Variants in DCAF5 observed in about 807,000 individuals in gnomAD.
DCAF5 encodes the protein DDB1- and CUL4-associated factor 5.
Under a neutral mutation model 80.7 loss-of-function variants are expected in DCAF5, and 9 were observed. The observed-to-expected ratio is 0.11, with a 90% confidence interval of 0.07 to 0.19. The LOEUF (loss-of-function observed/expected upper bound fraction) is 0.19, where lower values mean the gene tolerates loss of function less well. Ranked by LOEUF, DCAF5 falls within the 10% of genes least tolerant of loss-of-function variation. The pLI, the probability that DCAF5 is intolerant of heterozygous loss-of-function variation, is 1.00. For synonymous variants in DCAF5, 433 were observed against 461.9 expected (o/e 0.94, Z 0.80); for missense variants, 842 against 1,205.7 (o/e 0.70, Z 4.47).
At chr14:69,098,293 T>G (rs543523167) in intron 5 of DCAF5, among the ~76,000 whole-genome samples, 1 of 152,188 alleles carries the variant, frequency 6.6e-6, no homozygotes, top group Non-Finnish European at 1.5e-5. Flanking sequence ...ATTCATTCAG[T>G]CTTTATTCAA....
At chr14:69,113,622 G>C (rs571377594) in intron 5 of DCAF5, among the ~76,000 whole-genome samples, 1 of 152,234 alleles carries the variant, frequency 6.6e-6, no homozygotes, top group Non-Finnish European at 1.5e-5. Flanking sequence ...GGGGTTTCTA[G>C]GCAGCTGTGC....
At position 69,105,914 on chromosome 14, in the gene DCAF5, C is replaced by CATAT. The variant is rs35075766; in HGVS notation, c.665+10448_665+10451dup. Among the ~76,000 whole-genome samples the CATAT allele has an allele frequency of 3.9e-3, 194 of 49,984 alleles. 14 individuals carry two copies. Among genetic ancestry groups the CATAT allele is most frequent in the East Asian group, 0.018 (7 of 390 alleles). The allele number at this position is 49,984 out of a possible 152,430, so 32.8% of individuals were successfully genotyped here. ...GAGCCAATTTTCCCTAATAAACTGT[C>CATAT]ATATATATATATATATATATATATA... On this transcript the variant is annotated intron_variant, in intron 5 of 8. Transcript: ENST00000341516.
At chr14:69,059,656 TCTC>T (rs2038129318) in intron 8 of DCAF5, among the ~76,000 whole-genome samples, 2 of 152,318 alleles carry the variant, frequency 1.3e-5, no homozygotes, top group South Asian at 4.1e-4. Context: ...GTCTCATCCT[TCTC>T]CTTACCACCT....
chr14:69,077,820 C>T lies in DCAF5; in HGVS notation c.880-2409G>A, dbSNP rs542052284. ...AATCATTTAAAATCAATTTCCTAGC[C>T]TTCAAAACACTTGTAGGAACATGAG... On this transcript the variant is annotated intron_variant, in intron 6 of 8. Transcript: ENST00000341516. Among the ~76,000 whole-genome samples the T allele has an allele frequency of 8.5e-5, 13 of 152,250 alleles. No homozygotes were observed. The South Asian group carries it at 2.7e-3, about 32-fold the overall frequency.
rs994257136 is a variant in DCAF5, at chr14:69,152,916, C to G, written c.63G>C (p.Arg21=). The part of the protein sequence containing the change: ...MRSVVGFLSQ[R]GLHGDPLLTQ... ...TGAGCAGGGGGTCCCCATGCAAGCC[C>G]CGCTGGGACAAGAAGCCCACCACTG... Residue 21 remains arginine, a synonymous_variant, in exon 1 of 9, where the codon CGG becomes CGC. Transcript: ENST00000341516. This position sits in a 1 kb window ranked among gnomAD's most constrained non-coding sequence, Gnocchi z 4.1. 6.2e-7 allele frequency: 1 copy of G among 1,613,836 alleles called. No individual in the cohort carries two copies. The highest frequency in any genetic ancestry group is 8.5e-7 in the Non-Finnish European group (1 of 1,179,988).
intron 6 of DCAF5, chr14:69,085,146 T>C: frequency 2.6e-6 from 2 of 757,376 alleles, no homozygotes; most frequent in Admixed American, 3.5e-5. Flanking sequence ...CATACAAACC[T>C]ACGATTCCCA....
In DCAF5 at chr14:69,079,292, C is replaced by CTG. The variant is rs142170434; in HGVS notation, c.880-3882_880-3881insCA. Reference sequence around the variant, plus strand: ...AGACTGCCTTAGAAGGAAGAAAACTCTCCCAGAGTTAAGGCCTGTTGGGTT... The same window carrying CTG: ...AGACTGCCTTAGAAGGAAGAAAACTCTGTCCCAGAGTTAAGGCCTGTTGGGTT... On this transcript the variant is annotated intron_variant, in intron 6 of 8. Transcript: ENST00000341516. Among the ~76,000 whole-genome samples the CTG allele has an allele frequency of 5.5e-3, 839 of 152,302 alleles. 5 individuals are homozygous for CTG. Among genetic ancestry groups the CTG allele is most frequent in the African/African-American group, 0.019 (795 of 41,552 alleles).
At position 69,054,932 on chromosome 14, in the gene DCAF5, T is replaced by C. The variant is rs2139822265; in HGVS notation, c.1754A>G (p.Asn585Ser). The C allele has an allele frequency of 6.2e-7, 1 of 1,614,254 alleles. No homozygotes were observed. Among genetic ancestry groups the C allele is most frequent in the East Asian group, 2.2e-5 (1 of 44,890 alleles). ...NERRASTWQR[N>S]AMRRRQKTTR... Reference sequence around the variant, plus strand: ...TGTCTTCTGTCGGCGCCGCATGGCATTCCGCTGCCAGGTAGAGGCTCGGCG... The same window carrying C: ...TGTCTTCTGTCGGCGCCGCATGGCACTCCGCTGCCAGGTAGAGGCTCGGCG... The change falls in exon 9 of 9, where the codon AAT becomes AGT. Residue 585 changes from asparagine to serine, a missense_variant. Transcript: ENST00000341516.
chr14:69,153,049 C>G lies in DCAF5; in HGVS notation c.-71G>C, dbSNP rs866962705. On this transcript the variant is annotated 5_prime_UTR_variant, in exon 1 of 9. Coordinates refer to ENST00000341516, the MANE Select transcript of DCAF5 (RefSeq NM_003861.3). Reference sequence around the variant, plus strand: ...GCCTCACGCGCGGCCGCTGCTCCCCCCACCCGGCCCTCCCCCCGCGCTGCG... The same window carrying G: ...GCCTCACGCGCGGCCGCTGCTCCCCGCACCCGGCCCTCCCCCCGCGCTGCG... 5.0e-6 allele frequency: 6 copies of G among 1,203,196 alleles called. No individual in the cohort carries two copies. The highest frequency in any genetic ancestry group is 3.8e-5 in the Admixed American group (1 of 26,062). 74.5% of individuals were successfully genotyped at this position (1,203,196 alleles called of 1,614,324 possible).
intron 6 of DCAF5, chr14:69,090,514 C>T (rs1032712462): frequency 6.6e-6 from 1 of 152,102 alleles, no homozygotes; most frequent in Non-Finnish European, 1.5e-5. Flanking sequence ...GTTCAGAAAA[C>T]TTAAAAGAAC....
At chr14:69,078,767 T>C (rs1225557771) in intron 6 of DCAF5, among the ~76,000 whole-genome samples, 1 of 152,190 alleles carries the variant, frequency 6.6e-6, no homozygotes, top group Non-Finnish European at 1.5e-5. Flanking sequence ...GGGGAGTTGA[T>C]GTTTAGTGGG....
rs1206278716 is a variant in DCAF5, at chr14:69,054,377, G to T, written c.2309C>A (p.Ser770Tyr). Residue 770 changes from serine to tyrosine, a missense_variant, in exon 9 of 9, where the codon TCT (serine) becomes TAT (tyrosine). Ser to Tyr is a moderately radical substitution (Grantham distance 144). Transcript: ENST00000341516. The part of the protein sequence containing the change: ...GTSQDTGNSG[S>Y]VEHPFETKKL... Reference sequence around the variant, plus strand: ...CTTGGTTTCAAAAGGGTGCTCTACAGAGCCGCTATTGCCAGTGTCCTGAGA... The same window carrying T: ...CTTGGTTTCAAAAGGGTGCTCTACATAGCCGCTATTGCCAGTGTCCTGAGA... The T allele has an allele frequency of 1.2e-6, 2 of 1,614,126 alleles. No homozygotes were observed. The highest frequency in any genetic ancestry group is 1.7e-6 in the Non-Finnish European group (2 of 1,180,038).
intron 1 of DCAF5, among the ~76,000 whole-genome samples, chr14:69,126,343 G>T (rs906238333): frequency 6.6e-6 from 1 of 152,006 alleles, no homozygotes; most frequent in South Asian, 2.1e-4. Context: ...TTTTAGTAGG[G>T]ACGGGGTTTC....
chr14:69,116,502 A>T lies in DCAF5; in HGVS notation c.536-7T>A, dbSNP rs755120920. The T allele has an allele frequency of 1.2e-6, 2 of 1,611,658 alleles. No homozygotes were observed. Among genetic ancestry groups the T allele is most frequent in the Non-Finnish European group, 1.7e-6 (2 of 1,178,308 alleles). On this transcript the variant is annotated splice_region_variant and splice_polypyrimidine_tract_variant and intron_variant, in intron 4 of 8. Transcript: ENST00000341516. ...TTTGCCAGGCAGAAGGGCTCTGTGGAAAGAAAAATTATAATCAGTTCACTC... is the reference window on the plus strand; with the variant it reads ...TTTGCCAGGCAGAAGGGCTCTGTGGTAAGAAAAATTATAATCAGTTCACTC...
At position 69,053,565 on chromosome 14, in the gene DCAF5, G is replaced by C. The variant is rs945321865; in HGVS notation, c.*292C>G. ...AGAACAAGTCGAACGTCTCAACAAA[G>C]ATTTACTTCCACAGAGCCTTGCGCG... On this transcript the variant is annotated 3_prime_UTR_variant, in exon 9 of 9. Coordinates refer to ENST00000341516, the MANE Select transcript of DCAF5 (RefSeq NM_003861.3). The C allele has an allele frequency of 3.0e-6, 1 of 334,150 alleles. No individual in the cohort carries two copies. The highest frequency in any genetic ancestry group is 2.2e-5 in the African/African-American group (1 of 46,088). 20.7% of individuals were successfully genotyped at this position (334,150 alleles called of 1,614,324 possible).
chr14:69,123,479 T>C (rs1595039539), intron 1 of DCAF5, among the ~76,000 whole-genome samples: 2 of 152,244 alleles, frequency 1.3e-5, no homozygotes, highest in African/African-American at 4.8e-5. Context: ...CAACTATAAC[T>C]GGTAGGCTGG....
intron 6 of DCAF5, among the ~76,000 whole-genome samples, chr14:69,078,917 C>T (rs964410302): frequency 6.6e-6 from 1 of 151,912 alleles, no homozygotes; most frequent in African/African-American, 2.4e-5. Flanking sequence ...GGCTGGAGTG[C>T]AGTGGTGCAA....
intron 1 of DCAF5, among the ~76,000 whole-genome samples, chr14:69,128,526 A>C (rs1467724159): frequency 1.3e-5 from 2 of 152,202 alleles, no homozygotes; most frequent in African/African-American, 4.8e-5. Flanking sequence ...TGTTCATGAT[A>C]GAAAAAGAAA....
intron 7 of DCAF5, among the ~76,000 whole-genome samples, chr14:69,072,559 C>T (rs1464878854): frequency 4.9e-5 from 7 of 143,878 alleles, no homozygotes; most frequent in African/African-American, 1.6e-4. Flanking sequence ...ATGCAGTATG[C>T]TATGATTGTG....
Sources: gnomAD v4.1 joint callset for allele counts (sites outside exome capture counted in the v4.1 genomes callset) on GRCh38, gnomAD v4.1.1 for gene constraint, Gnocchi (gnomAD v3.1) non-coding constraint, MANE v1.5 for transcripts, NCBI Gene and HGNC (gene_info 2026-07-23, HGNC 2026-07-21) for gene names.